The following ITPR1 variants were observed in gnomAD, a reference collection of about 807,000 sequenced individuals.
ITPR1 encodes inositol 1,4,5-trisphosphate receptor type 1.
In ITPR1, 96 loss-of-function variants were observed where a neutral mutation model predicts 318.4. The ratio of observed to expected loss-of-function variants is 0.30; its 90% confidence interval spans 0.26 to 0.36. The LOEUF is 0.36. ITPR1 is among the 10% of genes least tolerant of loss of function. The pLI, the probability that ITPR1 is intolerant of heterozygous loss-of-function variation, is 1.00. For synonymous variants in ITPR1, 1,312 were observed against 1,289.9 expected, an observed-to-expected ratio of 1.02 and a Z score of -0.37; for missense variants, 2,440 against 3,460.2, an observed-to-expected ratio of 0.71 and a Z score of 7.40.
chr3:4,505,206 G>C (rs1223467202), intron 2 of ITPR1, among the ~76,000 whole-genome samples: 2 of 151,938 alleles, frequency 1.3e-5, no homozygotes, highest in Non-Finnish European at 2.9e-5. Flanking sequence ...TTTTCCCCTT[G>C]TTTTTGAGAA....
chr3:4,637,988 C>T (rs1390436482), intron 5 of ITPR1, among the ~76,000 whole-genome samples: 2 of 152,180 alleles, frequency 1.3e-5, no homozygotes, highest in Non-Finnish European at 1.5e-5. Context: ...TTTCTCTGAT[C>T]TCTACGATGG....
chr3:4,725,517 C>T, intron 40 of ITPR1, 29 bp from the exon 41 acceptor site: 1 of 1,592,412 alleles, frequency 6.3e-7, no homozygotes, highest in Non-Finnish European at 8.5e-7. Context: ...AGTGCCATGA[C>T]TAACGTACTT....
chr3:4,545,691 CTTTTTTTTT>C (rs71623167), intron 4 of ITPR1, among the ~76,000 whole-genome samples: 1 of 103,404 alleles, frequency 9.7e-6, no homozygotes, highest in African/African-American at 3.7e-5. Flanking sequence ...AGTATGCAAA[CTTTTTTTTT>C]TTTTTTTTTT....
chr3:4,794,368 C>T (rs1286884404), intron 52 of ITPR1, among the ~76,000 whole-genome samples: 1 of 152,196 alleles, frequency 6.6e-6, no homozygotes, highest in Non-Finnish European at 1.5e-5. Flanking sequence ...CTGCCACATC[C>T]TCTCTCTGCC....
chr3:4,561,063 G>C (rs4685760), intron 4 of ITPR1, among the ~76,000 whole-genome samples: 83,553 of 151,942 alleles, frequency 0.55, 23,409 homozygotes, highest in African/African-American at 0.63. Flanking sequence ...GGAGAATCTT[G>C]GGTTTAATGT....
intron 44 of ITPR1, among the ~76,000 whole-genome samples, chr3:4,738,614 G>T (rs1387901254): frequency 6.6e-6 from 1 of 151,890 alleles, no homozygotes; most frequent in Non-Finnish European, 1.5e-5. Flanking sequence ...GGCTCCTGGG[G>T]AGACGATGTC....
At chr3:4,811,508 T>G (rs971356353) in intron 56 of ITPR1, 48 bp downstream of exon 56, 1 of 1,468,764 alleles carries the variant, frequency 6.8e-7, no homozygotes, top group Non-Finnish European at 9.5e-7. Context: ...GATTATTTCC[T>G]GATTATAACT....
intron 4 of ITPR1, among the ~76,000 whole-genome samples, chr3:4,587,204 G>A (rs1026171829): frequency 6.9e-6 from 1 of 144,740 alleles, no homozygotes; most frequent in Non-Finnish European, 1.5e-5. Context: ...TCTGCACTGA[G>A]GCCCAAGGGC....
intron 4 of ITPR1, among the ~76,000 whole-genome samples, chr3:4,623,513 G>A (rs764685041): frequency 4.6e-5 from 7 of 152,034 alleles, no homozygotes; most frequent in African/African-American, 1.2e-4. Flanking sequence ...GCATGCATAC[G>A]CACACATATG....
intron 2 of ITPR1, among the ~76,000 whole-genome samples, chr3:4,514,222 A>C (rs80139219): frequency 4.2e-4 from 64 of 152,292 alleles, no homozygotes; most frequent in Non-Finnish European, 3.2e-4. Flanking sequence ...CAATAATGGT[A>C]GTTCCTACCT....
chr3:4,677,912 C>G (rs1222150045), intron 24 of ITPR1, among the ~76,000 whole-genome samples: 3 of 128,396 alleles, frequency 2.3e-5, no homozygotes, highest in Non-Finnish European at 3.6e-5. Context: ...CCAAGCCTCT[C>G]TACAGCTTTG....
intron 51 of ITPR1, 53 bp downstream of exon 51, chr3:4,783,973 C>T: frequency 4.1e-6 from 5 of 1,211,398 alleles, no homozygotes; most frequent in South Asian, 1.4e-5. Context: ...CATTAGTGTG[C>T]AATGCCCTGC....
chr3:4,788,636 C>T (rs1168186100), intron 52 of ITPR1, among the ~76,000 whole-genome samples: 1 of 152,174 alleles, frequency 6.6e-6, no homozygotes, highest in Non-Finnish European at 1.5e-5. Flanking sequence ...CATCATTGCT[C>T]ACCAGCGAGT....
intron 40 of ITPR1, among the ~76,000 whole-genome samples, chr3:4,725,006 C>A (rs1481145628): frequency 1.3e-5 from 2 of 152,086 alleles, no homozygotes; most frequent in African/African-American, 4.8e-5. Context: ...TCCCCTAAGC[C>A]CAAGCTGGAG....
rs191310184 is a variant in ITPR1, at chr3:4,810,519, G to A, written c.7273-746G>A. ...TGTGACCTGCAGGGGTCTTACCCTC[G>A]CAATGTTAACGTCACTAATGTCCCT... On this transcript the variant is annotated intron_variant, in intron 55 of 61. Coordinates refer to ENST00000649015, the MANE Select transcript of ITPR1 (RefSeq NM_001378452.1). Among the ~76,000 whole-genome samples, 1,239 of 152,316 alleles carry A rather than the reference G, an allele frequency of 8.1e-3. 12 individuals are homozygous for A. Among genetic ancestry groups the A allele is most frequent in the Admixed American group, 0.012 (176 of 15,304 alleles).
intron 4 of ITPR1, among the ~76,000 whole-genome samples, chr3:4,529,300 C>G (rs2083227655): frequency 2.0e-5 from 3 of 152,304 alleles, no homozygotes; most frequent in Admixed American, 6.5e-5. Flanking sequence ...ATAAGTTTAC[C>G]TTGTCCTCCA....
At chr3:4,792,808 A>G (rs1575270022) in intron 52 of ITPR1, among the ~76,000 whole-genome samples, 2 of 152,226 alleles carry the variant, frequency 1.3e-5, no homozygotes, top group African/African-American at 4.8e-5. Context: ...TTTATTAGTA[A>G]CAGGTTGTTA....
intron 57 of ITPR1, 113 bp downstream of exon 57, chr3:4,813,347 G>C: frequency 1.4e-6 from 1 of 699,180 alleles, no homozygotes; most frequent in Non-Finnish European, 2.4e-6. Flanking sequence ...TAAGGCTATA[G>C]CAAAGGGGAA....
intron 44 of ITPR1, among the ~76,000 whole-genome samples, chr3:4,746,616 G>C (rs767929632): frequency 6.6e-6 from 1 of 152,190 alleles, no homozygotes; most frequent in Non-Finnish European, 1.5e-5. Flanking sequence ...TGTAAGACCC[G>C]AGGGGGCAGA....
Sources: allele counts gnomAD v4.1 joint callset (sites outside exome capture counted in the v4.1 genomes callset), GRCh38; gene constraint gnomAD v4.1.1; transcripts MANE v1.5; gene names NCBI Gene and HGNC (gene_info 2026-07-23, HGNC 2026-07-21).